ATP2B2: variants seen among roughly 807,000 people sequenced by gnomAD.
ATP2B2 encodes ATPase plasma membrane Ca2+ transporting 2.
A neutral mutation model predicts 120.0 loss-of-function variants in ATP2B2; 15 were observed. That is an observed-to-expected ratio of 0.12 (90% CI 0.08 to 0.19). The LOEUF is 0.19. ATP2B2 is among the 10% of genes least tolerant of loss of function. ATP2B2 has a pLI of 1.00. For missense variants in ATP2B2, 1,045 were observed against 1,719.8 expected (o/e 0.61, Z 6.94); for synonymous variants, 694 against 700.3 (o/e 0.99, Z 0.14).
At chr3:10,522,307 C>T (rs530214870) in intron 3 of ATP2B2, among the ~76,000 whole-genome samples, 50 of 152,184 alleles carry the variant, frequency 3.3e-4, no homozygotes, top group African/African-American at 1.1e-3. Flanking sequence ...ATAATAACCC[C>T]CTGTGTGAGG....
chr3:10,400,010 G>C (rs1018698463), intron 5 of ATP2B2, among the ~76,000 whole-genome samples: 1 of 152,144 alleles, frequency 6.6e-6, no homozygotes, highest in African/African-American at 2.4e-5. Context: ...GGTTGGGGGT[G>C]GAGATAGTCC....
At chr3:10,627,314 C>A (rs545842264) in intron 1 of ATP2B2, among the ~76,000 whole-genome samples, 1 of 152,162 alleles carries the variant, frequency 6.6e-6, no homozygotes, top group Non-Finnish European at 1.5e-5. Flanking sequence ...GCCTTTGGGA[C>A]CAGCTTATGG....
chr3:10,393,312 A>T (rs1363539675), intron 5 of ATP2B2, among the ~76,000 whole-genome samples: 1 of 152,090 alleles, frequency 6.6e-6, no homozygotes, highest in Non-Finnish European at 1.5e-5. Flanking sequence ...AGGGTGACAG[A>T]GTGGAGTCTT....
At chr3:10,486,542 C>T (rs1225111457) in intron 1 of ATP2B2, among the ~76,000 whole-genome samples, 1 of 152,098 alleles carries the variant, frequency 6.6e-6, no homozygotes, top group Non-Finnish European at 1.5e-5. Flanking sequence ...TATGTTCTCA[C>T]CTCAGGATCT....
chr3:10,417,672 A>G (rs2062836578), intron 2 of ATP2B2, among the ~76,000 whole-genome samples: 1 of 152,232 alleles, frequency 6.6e-6, no homozygotes, highest in Admixed American at 6.5e-5. Context: ...AGCACCTACT[A>G]TAAGCCAGAC....
In ATP2B2 at chr3:10,402,775, G is replaced by A. The variant is rs1358291352; in HGVS notation, c.398-427C>T. On this transcript the variant is annotated intron_variant, in intron 3 of 22. Coordinates refer to ENST00000360273, the MANE Select transcript of ATP2B2 (RefSeq NM_001001331.4). This position sits in a 1 kb window ranked among gnomAD's most constrained non-coding sequence, Gnocchi z 4.9. ...TCTGGGTAAGAATATTCTCTATCTC[G>A]GGGACCTATTGTCAGAGTTGAAATT... Among the ~76,000 whole-genome samples the A allele has an allele frequency of 2.0e-5, 3 of 152,240 alleles. No individual in the cohort carries two copies. The highest frequency in any genetic ancestry group is 3.4e-3 in the Middle Eastern group (1 of 294).
intron 2 of ATP2B2, among the ~76,000 whole-genome samples, chr3:10,600,203 T>TGAAA (rs2068870248): frequency 6.6e-6 from 1 of 152,172 alleles, no homozygotes; most frequent in Admixed American, 6.5e-5. Context: ...AAAATATCTT[T>TGAAA]CTCTTGGCCT....
intron 1 of ATP2B2, among the ~76,000 whole-genome samples, chr3:10,466,318 A>C (rs2125257366): frequency 6.6e-6 from 1 of 152,334 alleles, no homozygotes; most frequent in Non-Finnish European, 1.5e-5. Context: ...CTACGTGTGC[A>C]TGCATAGATG....
intron 2 of ATP2B2, among the ~76,000 whole-genome samples, chr3:10,444,258 C>T (rs1437150806): frequency 3.3e-5 from 5 of 152,340 alleles, no homozygotes; most frequent in East Asian, 1.9e-4. Context: ...GAGTCTGTGG[C>T]TCCCCTGGCT....
At chr3:10,421,944 A>T (rs149549506) in intron 2 of ATP2B2, among the ~76,000 whole-genome samples, 25 of 152,274 alleles carry the variant, frequency 1.6e-4, no homozygotes, top group African/African-American at 5.3e-4. Flanking sequence ...ATCTGTCCTC[A>T]TCCTCCCCTG....
At chr3:10,537,510 C>T (rs1485234052) in intron 2 of ATP2B2, among the ~76,000 whole-genome samples, 2 of 141,964 alleles carry the variant, frequency 1.4e-5, no homozygotes, top group Non-Finnish European at 3.0e-5. Context: ...TATGAAAATA[C>T]ATTTTTTTTT....
upstream of ATP2B2, among the ~76,000 whole-genome samples, chr3:10,509,276 A>C (rs1033906780): frequency 5.3e-5 from 8 of 152,172 alleles, no homozygotes; most frequent in East Asian, 1.2e-3. Flanking sequence ...CTTTCTGGGA[A>C]GCATGGATGA....
In ATP2B2 at chr3:10,449,878, A is replaced by G. The variant is rs1295090374; in HGVS notation, c.-319-16T>C. On this transcript the variant is annotated splice_polypyrimidine_tract_variant and intron_variant, in intron 1 of 22. Coordinates refer to ENST00000360273, the MANE Select transcript of ATP2B2 (RefSeq NM_001001331.4). ...GTGGTGGCTCCTGTGGGACAAGCAC[A>G]GAGTGAGTGACAAAGGCCAGGCACT... 9 of 404,024 alleles carry G rather than the reference A, an allele frequency of 2.2e-5. No individual in the cohort carries two copies. Among genetic ancestry groups the G allele is most frequent in the Non-Finnish European group, 4.2e-5 (9 of 213,084 alleles). 25.0% of individuals were successfully genotyped at this position (404,024 alleles called of 1,614,324 possible).
Position 10,326,540 on chromosome 3 carries a change from A to T in ATP2B2, c.*2274T>A, listed in dbSNP as rs1200591017. On this transcript the variant is annotated 3_prime_UTR_variant, in exon 23 of 23. Transcript: ENST00000360273. ...ACTGTGAGAAAGGAAACTCCAAAAA[A>T]CACCATGTTCCAAGGCTGCCCCATG... 2.5e-6 allele frequency: 1 copy of T among 396,772 alleles called. No homozygotes were observed. The highest frequency in any genetic ancestry group is 4.4e-6 in the Non-Finnish European group (1 of 225,446). The allele number at this position is 396,772 out of a possible 1,614,324, so 24.6% of individuals were successfully genotyped here. A position where few individuals can be genotyped will look rare whatever the true frequency, so the allele number is the denominator to read the frequency against.
intron 19 of ATP2B2, among the ~76,000 whole-genome samples, chr3:10,341,655 G>A (rs2060281686): frequency 1.3e-5 from 2 of 152,138 alleles, no homozygotes; most frequent in South Asian, 2.1e-4. Flanking sequence ...GGTGCCAGGA[G>A]GCTTGTGGAG....
Position 10,336,577 on chromosome 3 carries a change from G to A in ATP2B2, c.3420+1599C>T, listed in dbSNP as rs75018362. Among the ~76,000 whole-genome samples, 5 of 152,286 alleles carry A rather than the reference G, an allele frequency of 3.3e-5. No homozygotes were observed. In the East Asian group the frequency reaches 7.7e-4, roughly 24 times the overall value. On this transcript the variant is annotated intron_variant, in intron 22 of 22. Transcript: ENST00000360273. ...GGCCAGTGGGCTGGCCAGTGGGGGA[G>A]GCAGTGATTAAACATGGTATCTGGA...
chr3:10,504,564 C>CCACCCAA (rs2066531288), intron 1 of ATP2B2, among the ~76,000 whole-genome samples: 1 of 150,702 alleles, frequency 6.6e-6, no homozygotes, highest in East Asian at 2.0e-4. Flanking sequence ...TCCAGAGCAC[C>CCACCCAA]CCCCCAACCC....
intron 2 of ATP2B2, among the ~76,000 whole-genome samples, chr3:10,563,823 A>G (rs1559460682): frequency 6.6e-6 from 1 of 152,224 alleles, no homozygotes; most frequent in African/African-American, 2.4e-5. Flanking sequence ...AGAAGAGGAA[A>G]CTGAAGCCCA....
At chr3:10,361,685 C>G (rs2060904779) in intron 12 of ATP2B2, among the ~76,000 whole-genome samples, 3 of 152,232 alleles carry the variant, frequency 2.0e-5, no homozygotes, top group African/African-American at 7.2e-5. Context: ...GTGGGTCCCT[C>G]TCCCTTCCCT....
Sources: gnomAD v4.1 joint callset for allele counts (sites outside exome capture counted in the v4.1 genomes callset) on GRCh38, gnomAD v4.1.1 for gene constraint, Gnocchi (gnomAD v3.1) non-coding constraint, MANE v1.5 for transcripts, NCBI Gene and HGNC (gene_info 2026-07-23, HGNC 2026-07-21) for gene names.